Variants in PEX16 observed in about 807,000 individuals in gnomAD.
The protein encoded by PEX16 is peroxin 16.
Under a neutral mutation model 50.5 loss-of-function variants are expected in PEX16, and 37 were observed. The ratio of observed to expected loss-of-function variants is 0.73; its 90% confidence interval spans 0.56 to 0.96. PEX16 has a LOEUF of 0.96. PEX16 is among the 40% of genes least tolerant of loss of function. PEX16 has a pLI of 0.00. For synonymous variants in PEX16, 185 were observed against 190.3 expected (o/e 0.97, Z 0.23); for missense variants, 401 against 438.3 (o/e 0.91, Z 0.76).
intron 8 of PEX16, 66 bp from the exon 9 acceptor site, chr11:45,914,004 C>A: frequency 6.2e-7 from 1 of 1,605,226 alleles, no homozygotes; most frequent in Non-Finnish European, 8.5e-7. Flanking sequence ...GGGGAGGAGC[C>A]ATGGGCTGGG....
At chr11:45,918,010 C>G (rs2086859041), upstream of PEX16, 2 of 641,184 alleles carry the variant, frequency 3.1e-6, no homozygotes, top group Admixed American at 2.3e-5. Flanking sequence ...ACTCGGGTAG[C>G]CCTTAGCAAC....
At chr11:45,917,970 C>T (rs1303409459), upstream of PEX16, 5 of 693,816 alleles carry the variant, frequency 7.2e-6, no homozygotes, top group Non-Finnish European at 1.3e-5. Flanking sequence ...CGGTGAACCA[C>T]CCTTCACCCC....
At chr11:45,918,303 C>A (rs2086862515), upstream of PEX16, 7 of 236,220 alleles carry the variant, frequency 3.0e-5, no homozygotes, top group Admixed American at 3.1e-4. Flanking sequence ...AAAAAAGGAG[C>A]CTCGATCAGA....
intron 2 of PEX16, 83 bp from the exon 3 acceptor site, chr11:45,916,386 C>T: frequency 9.4e-7 from 1 of 1,067,636 alleles, no homozygotes; most frequent in South Asian, 1.3e-5. Flanking sequence ...CAGGGATCAC[C>T]TGTCACATGC....
chr11:45,916,204 C>G, intron 3 of PEX16, 23 bp downstream of exon 3: 3 of 1,583,130 alleles, frequency 1.9e-6, no homozygotes, highest in Non-Finnish European at 1.7e-6. Flanking sequence ...TGCTTCCCAC[C>G]CTGTTCTTGG....
intron 10 of PEX16, 38 bp from the exon 11 acceptor site, chr11:45,910,350 C>A (rs958549168): frequency 1.3e-6 from 2 of 1,530,888 alleles, no homozygotes; most frequent in African/African-American, 2.7e-5. Context: ...CAGGCCAGAC[C>A]CCAATCTGCA....
Position 45,909,838 on chromosome 11 carries a change from C to A in PEX16, c.*416G>T, listed in dbSNP as rs1223426052. 1 of 561,072 alleles carries A rather than the reference C, an allele frequency of 1.8e-6. No homozygotes were observed. Among genetic ancestry groups the A allele is most frequent in the African/African-American group, 1.9e-5 (1 of 53,142 alleles). 34.8% of individuals were successfully genotyped at this position (561,072 alleles called of 1,614,324 possible). On this transcript the variant is annotated 3_prime_UTR_variant, in exon 11 of 11. Transcript: ENST00000378750. ...TGCGGAGAAGGGGCAGACGGAGGGC[C>A]CCAGCCAGAAGACACGCTGGGCAGC...
At chr11:45,914,828 C>T (rs999243433) in intron 5 of PEX16, 144 bp from the exon 6 acceptor site, 1 of 768,760 alleles carries the variant, frequency 1.3e-6, no homozygotes, top group African/African-American at 1.7e-5. Flanking sequence ...AAGGGAACTA[C>T]AAGCAGGGTG....
In PEX16 at chr11:45,915,531, C is replaced by G; in HGVS notation, c.397G>C (p.Ala133Pro). The G allele has an allele frequency of 6.2e-7, 1 of 1,614,146 alleles. No homozygotes were observed. Among genetic ancestry groups the G allele is most frequent in the Non-Finnish European group, 8.5e-7 (1 of 1,180,044 alleles). ...ATAGGGGGTGAAGTCTGGAGGCCAG[C>G]CTTGAACCAGAGCAGCAGGAGCATC... ...LRMLLLLWFK[A>P]GLQTSPPIVP... The change falls in exon 5 of 11, where the codon GCT (alanine) becomes CCT (proline). Residue 133 changes from alanine (A) to proline (P), a missense_variant. Ala to Pro is a conservative substitution (Grantham distance 27, BLOSUM62 -1). Transcript: ENST00000378750.
rs1401041189 is a variant in PEX16, at chr11:45,913,836, G to A, written c.870C>T (p.Phe290=). ...GTGCTTACTCGGAGAAGCGGTCATA[G>A]AAAGGAGAGCGCAGCAGGTAGTAGA... is the stretch of plus-strand genomic sequence containing the variant. ...LLLYYLLRSP[F]YDRFSEARIL... is the part of the protein sequence containing the mutation. The change falls in exon 9 of 11, where the codon TTC becomes TTT. Residue 290 remains phenylalanine (F), a synonymous_variant. Coordinates refer to ENST00000378750, the MANE Select transcript of PEX16 (RefSeq NM_004813.4). 4 of 1,613,954 alleles carry A rather than the reference G, an allele frequency of 2.5e-6. No homozygotes were observed. Among genetic ancestry groups the A allele is most frequent in the Non-Finnish European group, 3.4e-6 (4 of 1,180,012 alleles).
At chr11:45,916,409 C>T in intron 2 of PEX16, 106 bp from the exon 3 acceptor site, 3 of 861,462 alleles carry the variant, frequency 3.5e-6, no homozygotes, top group East Asian at 2.4e-5. Flanking sequence ...TGCTCAGACA[C>T]CCACAGACTA....
intron 9 of PEX16, among the ~76,000 whole-genome samples, chr11:45,912,167 C>G (rs2086785837): frequency 6.6e-6 from 1 of 151,940 alleles, no homozygotes; most frequent in African/African-American, 2.4e-5. Flanking sequence ...GGGTGTGGTC[C>G]AGAAGGAGCA....
intron 8 of PEX16, 29 bp downstream of exon 8, chr11:45,914,102 A>C: frequency 5.1e-6 from 8 of 1,583,590 alleles, no homozygotes; most frequent in Non-Finnish European, 6.9e-6. Flanking sequence ...CCCAGTGGAG[A>C]GTGAAGCCCC....
Position 45,915,539 on chromosome 11 carries a change from C to A in PEX16, c.389G>T (p.Trp130Leu). Residue 130 changes from tryptophan (W) to leucine (L), a missense_variant, in exon 5 of 11, where the codon TGG (tryptophan) becomes TTG (leucine). Transcript: ENST00000378750. ...KAVLRMLLLLWFKAGLQTSPP... is the reference protein window; with the variant it reads ...KAVLRMLLLLLFKAGLQTSPP... ...TGAAGTCTGGAGGCCAGCCTTGAACCAGAGCAGCAGGAGCATCCGCAGTAC... is the reference window on the plus strand; with the variant it reads ...TGAAGTCTGGAGGCCAGCCTTGAACAAGAGCAGCAGGAGCATCCGCAGTAC... 6.2e-7 allele frequency: 1 copy of A among 1,614,142 alleles called. No individual in the cohort carries two copies. The highest frequency in any genetic ancestry group is 8.5e-7 in the Non-Finnish European group (1 of 1,180,038).
intron 10 of PEX16, 80 bp from the exon 11 acceptor site, chr11:45,910,392 C>T (rs554843053): frequency 2.5e-5 from 30 of 1,218,242 alleles, no homozygotes; most frequent in South Asian, 1.6e-4. Flanking sequence ...CTCACCCCTG[C>T]GGCCCAGGAG....
Position 45,916,145 on chromosome 11 carries a change from T to C in PEX16, c.225+82A>G, listed in dbSNP as rs557020498. The C allele has an allele frequency of 3.7e-4, 376 of 1,005,610 alleles. 7 individuals carry two copies. In the South Asian group the frequency reaches 4.6e-3, roughly 12 times the overall value. The allele number at this position is 1,005,610 out of a possible 1,614,324, so 62.3% of individuals were successfully genotyped here. ...GGCCTGTCTCATACTCCATGAGACA[T>C]GTGCTGCACGCATGGGCTAGCTGCT... On this transcript the variant is annotated intron_variant, in intron 3 of 10. Transcript: ENST00000378750.
At chr11:45,918,203 G>A (rs988869327), upstream of PEX16, 10 of 321,382 alleles carry the variant, frequency 3.1e-5, no homozygotes, top group African/African-American at 2.1e-4. Context: ...CTAGAGAAGG[G>A]AGCTGGAGCC....
intron 8 of PEX16, 49 bp downstream of exon 8, chr11:45,914,082 T>C (rs1435230054): frequency 1.1e-5 from 18 of 1,577,126 alleles, no homozygotes; most frequent in Admixed American, 5.5e-5. Context: ...GCCAGGATTA[T>C]AGCAGAAAGC....
In PEX16 at chr11:45,916,094, G is replaced by A; in HGVS notation, c.225+133C>T. The A allele has an allele frequency of 4.9e-6, 4 of 811,464 alleles. No individual in the cohort carries two copies. The South Asian group carries it at 5.4e-5, about 11-fold the overall frequency. 50.3% of individuals were successfully genotyped at this position (811,464 alleles called of 1,614,324 possible). On this transcript the variant is annotated intron_variant, in intron 3 of 10. Transcript: ENST00000378750. The stretch of plus-strand genomic sequence containing the variant: ...TCACACTTTACAGGTCACCTAATGA[G>A]ATGGTTTGAGGCTCAGATGGACATA...
Sources: allele counts gnomAD v4.1 joint callset (sites outside exome capture counted in the v4.1 genomes callset), GRCh38; gene constraint gnomAD v4.1.1; transcripts MANE v1.5; gene names NCBI Gene and HGNC (gene_info 2026-07-23, HGNC 2026-07-21).